SGCD: variants seen among roughly 807,000 people sequenced by gnomAD.
SGCD encodes sarcoglycan delta, also known as delta-sarcoglycan.
A neutral mutation model predicts 36.6 loss-of-function variants in SGCD; 18 were observed. That is an observed-to-expected ratio of 0.49 (90% CI 0.34 to 0.73). SGCD has a LOEUF of 0.73. Among genes scored for constraint, SGCD ranks in the 30% least tolerant of loss-of-function variants. SGCD has a pLI of 0.01. For missense variants in SGCD, 387 were observed against 346.7 expected (o/e 1.12, Z -0.92); for synonymous variants, 133 against 130.6 (o/e 1.02, Z -0.12).
Position 156,072,950 on chromosome 5 carries a change from C to T in SGCD, c.-281-44928C>T, listed in dbSNP as rs192570776. On this transcript the variant is annotated intron_variant, in intron 1 of 9. Transcript: ENST00000517913. ...GCTCCTGAGGCTTCTGCATTCTTCA[C>T]GTAGTTCTCGAGCCTTGGCTTTCAG... 2.3e-3 allele frequency among the ~76,000 whole-genome samples: 355 copies of T among 152,294 alleles called. 4 individuals carry two copies. The South Asian group carries it at 0.03, about 13-fold the overall frequency.
chr5:155,849,439 T>C, the SGCD span, among the ~76,000 whole-genome samples: 33,394 of 143,322 alleles, frequency 0.23, 6,663 homozygotes, highest in African/African-American at 0.54. Flanking sequence ...CACACACATG[T>C]GCGCGCGCAC....
intron 1 of SGCD, among the ~76,000 whole-genome samples, chr5:156,010,679 A>C (rs1218573830): frequency 3.3e-5 from 5 of 152,154 alleles, no homozygotes; most frequent in Non-Finnish European, 5.9e-5. Context: ...TATCTCATTT[A>C]ATCTTTGGCA....
chr5:155,998,150 T>A (rs1758594134), intron 1 of SGCD, among the ~76,000 whole-genome samples: 1 of 152,226 alleles, frequency 6.6e-6, no homozygotes, highest in Admixed American at 6.5e-5. Context: ...AAGATCTGTG[T>A]TGCATTATAA....
chr5:156,132,689 C>A (rs911630543), intron 3 of SGCD, among the ~76,000 whole-genome samples: 1 of 151,360 alleles, frequency 6.6e-6, no homozygotes, highest in South Asian at 2.1e-4. Flanking sequence ...AGGATGGTCT[C>A]GATCTCCTGA....
intron 1 of SGCD, among the ~76,000 whole-genome samples, chr5:155,908,530 T>C (rs992150921): frequency 6.6e-5 from 10 of 152,196 alleles, no homozygotes; most frequent in Non-Finnish European, 1.5e-4. Flanking sequence ...TCTAAGAGTT[T>C]GCCTGATTTG....
chr5:156,257,715 T>G (rs1765751063), intron 3 of SGCD, among the ~76,000 whole-genome samples: 1 of 151,614 alleles, frequency 6.6e-6, no homozygotes, highest in Non-Finnish European at 1.5e-5. Context: ...AACACAAAAA[T>G]TAGTCAGGTG....
At chr5:156,752,402 T>C (rs1319066867) in intron 7 of SGCD, among the ~76,000 whole-genome samples, 8 of 152,160 alleles carry the variant, frequency 5.3e-5, no homozygotes, top group Admixed American at 1.3e-4. Flanking sequence ...CTTTCTTTTT[T>C]TCCCCCCCAA....
intron 1 of SGCD, among the ~76,000 whole-genome samples, chr5:155,978,932 A>C (rs1443342219): frequency 3.3e-5 from 5 of 152,174 alleles, no homozygotes; most frequent in Non-Finnish European, 5.9e-5. Context: ...TCTGGTTTTA[A>C]AAAACTGTCC....
At chr5:155,857,101 A>G in the SGCD span, among the ~76,000 whole-genome samples, 1 of 152,058 alleles carries the variant, frequency 6.6e-6, no homozygotes, top group Non-Finnish European at 1.5e-5. Context: ...GCCAGGCATC[A>G]TGGGGCATGC....
At chr5:155,770,327 G>T in the SGCD span, among the ~76,000 whole-genome samples, 4 of 150,770 alleles carry the variant, frequency 2.7e-5, no homozygotes, top group Non-Finnish European at 5.9e-5. Flanking sequence ...ATTTAATTTG[G>T]ACTTGAAGAG....
the SGCD span, among the ~76,000 whole-genome samples, chr5:155,783,576 G>A: frequency 1.3e-5 from 2 of 151,776 alleles, no homozygotes; most frequent in Non-Finnish European, 2.9e-5. Flanking sequence ...CATAGTCACT[G>A]CAAGTATTCT....
intron 3 of SGCD, among the ~76,000 whole-genome samples, chr5:156,309,365 T>C: frequency 6.6e-6 from 1 of 152,094 alleles, no homozygotes; most frequent in Admixed American, 6.5e-5. Context: ...ACTTGATCAT[T>C]TTTATTGGTA....
In SGCD at chr5:156,285,294, G is replaced by A. The variant is rs1376070389; in HGVS notation, c.-43-44240G>A. Among the ~76,000 whole-genome samples the A allele has an allele frequency of 4.6e-4, 70 of 152,110 alleles. 1 individual carries two copies. The highest frequency in any genetic ancestry group is 4.6e-3 in the Admixed American group (70 of 15,256). On this transcript the variant is annotated intron_variant, in intron 3 of 9. Transcript: ENST00000517913. Reference sequence around the variant, plus strand: ...ATGCCATCCCCATCAAGCTACCAATGACTTTTTTCACAGAATTGGAAAAAA... The same window carrying A: ...ATGCCATCCCCATCAAGCTACCAATAACTTTTTTCACAGAATTGGAAAAAA...
the SGCD span, among the ~76,000 whole-genome samples, chr5:155,775,443 A>G: frequency 1.3e-5 from 2 of 152,166 alleles, no homozygotes; most frequent in Non-Finnish European, 2.9e-5. Context: ...TTTGCCCAAA[A>G]TTAGACAACT....
intron 1 of SGCD, among the ~76,000 whole-genome samples, chr5:156,097,816 G>A (rs1369706120): frequency 6.6e-6 from 1 of 152,146 alleles, no homozygotes; most frequent in Non-Finnish European, 1.5e-5. Context: ...TGTTCTGTCA[G>A]GATACTCTGG....
chr5:155,967,288 G>T (rs1451521253), intron 1 of SGCD, among the ~76,000 whole-genome samples: 3 of 151,972 alleles, frequency 2.0e-5, no homozygotes, highest in South Asian at 2.1e-4. Context: ...GTTTAGTGAG[G>T]GTTGTGTTGT....
intron 4 of SGCD, 55 bp downstream of exon 4, chr5:156,508,757 G>A: frequency 9.5e-7 from 1 of 1,053,320 alleles, no homozygotes; most frequent in East Asian, 2.4e-5. Context: ...TCTAAATCTG[G>A]AGGAATTGAT....
intron 2 of SGCD, among the ~76,000 whole-genome samples, chr5:156,331,240 C>A (rs1030223519): frequency 6.6e-6 from 1 of 152,194 alleles, no homozygotes. Context: ...TCTTGCCACA[C>A]AGAAAGGTCT....
chr5:156,125,839 T>TTTATTATTA (rs144493356), intron 3 of SGCD, among the ~76,000 whole-genome samples: 130 of 131,484 alleles, frequency 9.9e-4, no homozygotes, highest in Middle Eastern at 3.9e-3. Context: ...CACTCATTCT[T>TTTATTATTA]TTATTATTAT....
Sources: gnomAD v4.1 joint callset for allele counts (sites outside exome capture counted in the v4.1 genomes callset) on GRCh38, gnomAD v4.1.1 for gene constraint, MANE v1.5 for transcripts, NCBI Gene and HGNC (gene_info 2026-07-23, HGNC 2026-07-21) for gene names.